The following ABCB7 variants were observed in gnomAD, a reference collection of about 807,000 sequenced individuals.
ABCB7 encodes the protein ATP binding cassette subfamily B member 7.
A neutral mutation model predicts 54.4 loss-of-function variants in ABCB7; 7 were observed. That is an observed-to-expected ratio of 0.13 (90% CI 0.07 to 0.24). The LOEUF (loss-of-function observed/expected upper bound fraction) is 0.24, where lower values mean the gene tolerates loss of function less well. ABCB7 is among the 10% of genes least tolerant of loss of function. ABCB7 has a pLI of 1.00. For synonymous variants in ABCB7, 218 were observed against 207.1 expected (o/e 1.05, Z -0.45); for missense variants, 356 against 570.4 (o/e 0.62, Z 3.83).
intron 15 of ABCB7, among the ~76,000 whole-genome samples, chrX:75,059,138 G>C (rs73502893): frequency 0.081 from 9,000 of 110,813 alleles, 925 homozygotes; most frequent in African/African-American, 0.28. Flanking sequence ...TCAATATACA[G>C]ACAGTACATG....
intron 1 of ABCB7, among the ~76,000 whole-genome samples, chrX:75,154,751 T>C (rs778950585): frequency 8.9e-6 from 1 of 112,419 alleles, no homozygotes; most frequent in Admixed American, 9.4e-5. Context: ...TCACATATAC[T>C]GTCCCATACC....
At chrX:75,072,881 ATT>A (rs1032067172) in intron 8 of ABCB7, among the ~76,000 whole-genome samples, 4 of 109,169 alleles carry the variant, frequency 3.7e-5, no homozygotes, top group African/African-American at 1.3e-4. Flanking sequence ...GTATAAAAAT[ATT>A]TTCTTTCTTC....
intron 1 of ABCB7, among the ~76,000 whole-genome samples, chrX:75,137,628 C>G (rs2082019594): frequency 8.9e-6 from 1 of 112,239 alleles, no homozygotes; most frequent in African/African-American, 3.2e-5. Flanking sequence ...TGTAATCAAC[C>G]TAGATGCCCA....
intron 3 of ABCB7, 34 bp downstream of exon 3, chrX:75,112,852 C>T: frequency 9.2e-7 from 1 of 1,087,899 alleles, no homozygotes; most frequent in African/African-American, 1.8e-5. Context: ...GGACAATCAT[C>T]AAGAATTTCC....
At chrX:75,094,126 C>T (rs1378654618) in intron 4 of ABCB7, among the ~76,000 whole-genome samples, 2 of 102,780 alleles carry the variant, frequency 1.9e-5, no homozygotes, top group Non-Finnish European at 3.9e-5. Flanking sequence ...CTTTATATAA[C>T]AGATGCATTT....
intron 1 of ABCB7, among the ~76,000 whole-genome samples, chrX:75,127,085 AC>A (rs1206056210): frequency 2.7e-5 from 3 of 111,476 alleles, no homozygotes; most frequent in Non-Finnish European, 5.7e-5. Context: ...TGATAACAAA[AC>A]CTGGCAGAGA....
At chrX:75,127,318 T>C (rs972089459) in intron 1 of ABCB7, among the ~76,000 whole-genome samples, 3 of 111,694 alleles carry the variant, frequency 2.7e-5, no homozygotes, top group African/African-American at 9.8e-5. Context: ...CACATGATTA[T>C]CTCAATAGAT....
chrX:75,092,136 C>T (rs1226625104), intron 4 of ABCB7, among the ~76,000 whole-genome samples: 2 of 110,977 alleles, frequency 1.8e-5, no homozygotes, highest in Admixed American at 9.6e-5. Context: ...AAGAAGAAAA[C>T]AATACTGGAG....
intron 1 of ABCB7, among the ~76,000 whole-genome samples, chrX:75,125,993 G>A (rs1228163495): frequency 1.8e-5 from 2 of 110,740 alleles, no homozygotes; most frequent in Non-Finnish European, 3.8e-5. Context: ...AAAATTCCAT[G>A]AGGTGACTAA....
intron 1 of ABCB7, among the ~76,000 whole-genome samples, chrX:75,121,610 T>G (rs2081879698): frequency 8.9e-6 from 1 of 111,734 alleles, no homozygotes; most frequent in South Asian, 3.8e-4. Context: ...AGATCAGTAT[T>G]CTATTCTGGA....
chrX:75,127,154 C>A (rs1014848883), intron 1 of ABCB7, among the ~76,000 whole-genome samples: 2 of 111,384 alleles, frequency 1.8e-5, no homozygotes, highest in Non-Finnish European at 3.8e-5. Flanking sequence ...ATGCGAAAAT[C>A]CTCCATAAAA....
At chrX:75,148,216 T>A (rs2082106294) in intron 1 of ABCB7, among the ~76,000 whole-genome samples, 1 of 112,211 alleles carries the variant, frequency 8.9e-6, no homozygotes, top group South Asian at 3.7e-4. Context: ...TTCAAATAAA[T>A]GAACATAATA....
chrX:75,099,161 A>C (rs2081617841), intron 3 of ABCB7, 100 bp from the exon 4 acceptor site: 1 of 927,163 alleles, frequency 1.1e-6, no homozygotes, highest in Non-Finnish European at 1.5e-6. Context: ...ATACATGAAA[A>C]CATTACAAAT....
At chrX:75,054,183 A>T (rs1256227712) in intron 15 of ABCB7, among the ~76,000 whole-genome samples, 4 of 112,298 alleles carry the variant, frequency 3.6e-5, no homozygotes, top group Non-Finnish European at 7.5e-5. Flanking sequence ...ACGGTTAACC[A>T]TGCTGAGAGA....
intron 1 of ABCB7, 108 bp from the exon 2 acceptor site, chrX:75,114,939 T>C (rs1188516321): frequency 4.5e-6 from 3 of 666,246 alleles, no homozygotes; most frequent in South Asian, 2.4e-5. Context: ...CATAGCCATA[T>C]TGGAGAGATG....
rs375246790 is a variant in ABCB7 at position 75,062,477 on chromosome X, T to G, written c.1832-46A>C. 891 of 968,480 alleles carry G rather than the reference T, an allele frequency of 9.2e-4. 1 individual carries two copies. Among genetic ancestry groups the G allele is most frequent in the Admixed American group, 1.5e-3 (65 of 44,591 alleles). The allele number at this position is 968,480 out of a possible 1,213,427, so 79.8% of individuals were successfully genotyped here. ...TTTAAGGAAGCATAGTGCATGCATA[T>G]TTTATGTTTTTAGTGTTTCCATTGA... On this transcript the variant is annotated intron_variant, in intron 13 of 15. Coordinates refer to ENST00000373394, the MANE Select transcript of ABCB7 (RefSeq NM_001271696.3).
chrX:75,056,866 C>A (rs1171533479), intron 15 of ABCB7, among the ~76,000 whole-genome samples: 1 of 111,721 alleles, frequency 9.0e-6, no homozygotes, highest in Non-Finnish European at 1.9e-5. Flanking sequence ...TACCCCCACA[C>A]TACTACCAAC....
intron 1 of ABCB7, among the ~76,000 whole-genome samples, chrX:75,129,905 A>G (rs1244520066): frequency 1.8e-5 from 2 of 111,207 alleles, no homozygotes; most frequent in Non-Finnish European, 3.8e-5. Context: ...CTAATGCCCA[A>G]TACTACATTA....
rs375102120 is a variant in ABCB7, at chrX:75,115,786, T to TG, written c.169-956dup. On this transcript the variant is annotated intron_variant, in intron 1 of 15. Coordinates refer to ENST00000373394, the MANE Select transcript of ABCB7 (RefSeq NM_001271696.3). ...GCCATGATGCTGGTTGTGTGTGTGT[T>TG]GGGGGGGGGGGCACGGGGCAGAATT... 6.4e-3 allele frequency among the ~76,000 whole-genome samples: 591 copies of TG among 91,929 alleles called. 3 individuals are homozygous for TG. Among genetic ancestry groups the TG allele is most frequent in the Admixed American group, 7.3e-3 (62 of 8,512 alleles). 79.8% of individuals were successfully genotyped at this position (91,929 alleles called of 115,157 possible).
Sources: gnomAD v4.1 joint callset for allele counts (sites outside exome capture counted in the v4.1 genomes callset) on GRCh38, gnomAD v4.1.1 for gene constraint, MANE v1.5 for transcripts, NCBI Gene and HGNC (gene_info 2026-07-23, HGNC 2026-07-21) for gene names.